ZNF503: variants seen among roughly 807,000 people sequenced by gnomAD.
ZNF503 encodes zinc finger protein 503.
A neutral mutation model predicts 34.4 loss-of-function variants in ZNF503; 15 were observed. That is an observed-to-expected ratio of 0.44 (90% CI 0.29 to 0.67). ZNF503 has a LOEUF of 0.67. ZNF503 is among the 30% of genes least tolerant of loss of function. ZNF503 has a pLI of 0.13. For missense variants in ZNF503, 1,007 were observed against 926.8 expected (o/e 1.09, Z -1.12); for synonymous variants, 580 against 456.8 (o/e 1.27, Z -3.44).
chr10:75,384,479 G>T, the ZNF503 span, among the ~76,000 whole-genome samples: 2 of 152,054 alleles, frequency 1.3e-5, no homozygotes, highest in African/African-American at 4.8e-5. Context: ...ATCACAGGCA[G>T]GCCCCCACAG....
chr10:75,392,582 G>A, the ZNF503 span, among the ~76,000 whole-genome samples: 1 of 152,154 alleles, frequency 6.6e-6, no homozygotes, highest in African/African-American at 2.4e-5. Context: ...GATGGGCTGG[G>A]GGGCTAGCTG....
chr10:75,307,653 G>C, the ZNF503 span, among the ~76,000 whole-genome samples: 3 of 152,252 alleles, frequency 2.0e-5, no homozygotes, highest in South Asian at 6.2e-4. Context: ...TTCATAGATA[G>C]AGAAGTCAAC....
the ZNF503 span, among the ~76,000 whole-genome samples, chr10:75,304,126 G>A: frequency 8.1e-4 from 123 of 152,216 alleles, no homozygotes; most frequent in African/African-American, 2.7e-3. Context: ...GAGCCACCAC[G>A]CCTTTTGGCC....
the ZNF503 span, among the ~76,000 whole-genome samples, chr10:75,339,744 G>A: frequency 6.6e-6 from 1 of 152,106 alleles, no homozygotes; most frequent in African/African-American, 2.4e-5. Flanking sequence ...TATGGTAGAA[G>A]ATGGTTTTAT....
chr10:75,335,896 C>T, the ZNF503 span, among the ~76,000 whole-genome samples: 1 of 152,192 alleles, frequency 6.6e-6, no homozygotes, highest in South Asian at 2.1e-4. Context: ...TTCTACTCAT[C>T]CTTCCAGACC....
At chr10:75,291,507 G>A in the ZNF503 span, among the ~76,000 whole-genome samples, 86 of 152,248 alleles carry the variant, frequency 5.6e-4, no homozygotes, top group African/African-American at 2.0e-3. Context: ...AGCTACTTGG[G>A]AGGCTGAGGG....
chr10:75,348,744 C>T, the ZNF503 span, among the ~76,000 whole-genome samples: 2 of 148,780 alleles, frequency 1.3e-5, no homozygotes, highest in Admixed American at 1.3e-4. Flanking sequence ...CATCTCCTGA[C>T]CTCGTGATCC....
the ZNF503 span, among the ~76,000 whole-genome samples, chr10:75,321,234 C>G: frequency 6.6e-6 from 1 of 152,098 alleles, no homozygotes; most frequent in South Asian, 2.1e-4. Context: ...GAGTAGATGC[C>G]AGAATTATGC....
chr10:75,307,603 T>G, the ZNF503 span, among the ~76,000 whole-genome samples: 2 of 152,232 alleles, frequency 1.3e-5, no homozygotes, highest in African/African-American at 4.8e-5. Flanking sequence ...TCAACATAGA[T>G]GAAACAGCCT....
At chr10:75,290,769 C>G in the ZNF503 span, among the ~76,000 whole-genome samples, 1,051 of 152,294 alleles carry the variant, frequency 6.9e-3, 7 homozygotes, top group African/African-American at 0.023. Flanking sequence ...GAAACTGAGG[C>G]TGCCAAAGTC....
chr10:75,337,184 C>T, the ZNF503 span, among the ~76,000 whole-genome samples: 5 of 151,758 alleles, frequency 3.3e-5, no homozygotes, highest in East Asian at 7.8e-4. Context: ...ATTAGTCGGG[C>T]GTGGTGGTGC....
At chr10:75,358,086 G>C in the ZNF503 span, among the ~76,000 whole-genome samples, 1 of 152,134 alleles carries the variant, frequency 6.6e-6, no homozygotes, top group Non-Finnish European at 1.5e-5. Flanking sequence ...TCCTGCCCAG[G>C]GAAGAGGGAG....
the ZNF503 span, among the ~76,000 whole-genome samples, chr10:75,371,851 C>T: frequency 1.3e-5 from 2 of 152,200 alleles, no homozygotes; most frequent in African/African-American, 4.8e-5. Context: ...CCACACCTAC[C>T]ATCTTACCTC....
chr10:75,345,648 AAAAAG>A, the ZNF503 span, among the ~76,000 whole-genome samples: 3 of 151,078 alleles, frequency 2.0e-5, no homozygotes, highest in Non-Finnish European at 3.0e-5. Context: ...AAAAAAAAAA[AAAAAG>A]AAAAGAAAAG....
the ZNF503 span, among the ~76,000 whole-genome samples, chr10:75,317,390 A>G: frequency 6.3e-4 from 85 of 134,374 alleles, no homozygotes; most frequent in African/African-American, 2.4e-3. Context: ...CCATTCTCCT[A>G]TCTCAGCCTC....
At chr10:75,329,381 T>TTCCTTC in the ZNF503 span, among the ~76,000 whole-genome samples, 34 of 129,168 alleles carry the variant, frequency 2.6e-4, no homozygotes, top group African/African-American at 1.3e-3. Flanking sequence ...CTTCTTTCTT[T>TTCCTTC]CTTCCTTCCT....
the ZNF503 span, among the ~76,000 whole-genome samples, chr10:75,356,154 G>A: frequency 2.0e-5 from 3 of 152,172 alleles, no homozygotes; most frequent in African/African-American, 7.2e-5. Context: ...AAGGAGTGGG[G>A]ATGTCAAGAT....
At chr10:75,379,394 G>A in the ZNF503 span, among the ~76,000 whole-genome samples, 1 of 152,308 alleles carries the variant, frequency 6.6e-6, no homozygotes, top group East Asian at 1.9e-4. Context: ...GGATAATAAT[G>A]TCATTTGCTT....
the ZNF503 span, among the ~76,000 whole-genome samples, chr10:75,297,186 T>G: frequency 2.0e-5 from 3 of 152,188 alleles, no homozygotes; most frequent in African/African-American, 7.2e-5. Context: ...CTACTCATCC[T>G]TCAAGACTCA....
Sources: allele counts gnomAD v4.1 joint callset (sites outside exome capture counted in the v4.1 genomes callset), GRCh38; gene constraint gnomAD v4.1.1; transcripts MANE v1.5; gene names NCBI Gene and HGNC (gene_info 2026-07-23, HGNC 2026-07-21).